The following MED27 variants were observed in gnomAD, a reference collection of about 807,000 sequenced individuals.
The protein encoded by MED27 is mediator complex subunit 27.
Under a neutral mutation model 38.2 loss-of-function variants are expected in MED27, and 30 were observed. That is an observed-to-expected ratio of 0.79 (90% CI 0.59 to 1.07). The LOEUF (loss-of-function observed/expected upper bound fraction) is 1.07, where lower values mean the gene tolerates loss of function less well. MED27 is among the 50% of genes least tolerant of loss of function. The pLI is 0.00. For missense variants in MED27, 289 were observed against 397.5 expected (o/e 0.73, Z 2.32); for synonymous variants, 122 against 153.5 (o/e 0.79, Z 1.52).
chr9:131,943,384 G>T (rs903043961), intron 3 of MED27, among the ~76,000 whole-genome samples: 1 of 152,126 alleles, frequency 6.6e-6, no homozygotes, highest in Non-Finnish European at 1.5e-5. Flanking sequence ...TGAGGGAGGG[G>T]GTGTTGGTAT....
chr9:132,050,885 G>A (rs951516476), intron 2 of MED27, among the ~76,000 whole-genome samples: 12 of 152,228 alleles, frequency 7.9e-5, no homozygotes, highest in African/African-American at 2.9e-4. Context: ...GTGAGACCTT[G>A]ACTTTTTCAT....
chr9:131,882,029 C>T (rs1839056844), intron 6 of MED27, among the ~76,000 whole-genome samples: 1 of 152,046 alleles, frequency 6.6e-6, no homozygotes, highest in Non-Finnish European at 1.5e-5. Flanking sequence ...GCTGGGATTA[C>T]AGGCATGAGC....
chr9:131,944,433 A>G (rs1830844078), intron 3 of MED27, among the ~76,000 whole-genome samples: 1 of 152,090 alleles, frequency 6.6e-6, no homozygotes, highest in Non-Finnish European at 1.5e-5. Context: ...TGACACACAA[A>G]TATTTCCTCC....
chr9:131,957,258 T>C (rs1831124442), intron 3 of MED27, among the ~76,000 whole-genome samples: 1 of 151,876 alleles, frequency 6.6e-6, no homozygotes, highest in African/African-American at 2.4e-5. Flanking sequence ...AGTTTTATTC[T>C]TTTATTCTTT....
intron 1 of MED27, among the ~76,000 whole-genome samples, chr9:132,078,719 G>C (rs1489981177): frequency 6.6e-6 from 1 of 152,136 alleles, no homozygotes; most frequent in African/African-American, 2.4e-5. Context: ...AGGATGACTA[G>C]CTCACCAAAT....
chr9:132,063,971 C>T (rs566892873), intron 2 of MED27, among the ~76,000 whole-genome samples: 1 of 152,200 alleles, frequency 6.6e-6, no homozygotes, highest in Non-Finnish European at 1.5e-5. Flanking sequence ...AACGCACTTC[C>T]GCCTTGTTGC....
At chr9:132,075,738 T>C (rs1054288169) in intron 2 of MED27, among the ~76,000 whole-genome samples, 1 of 152,250 alleles carries the variant, frequency 6.6e-6, no homozygotes, top group Non-Finnish European at 1.5e-5. Context: ...CCCTTGTCAC[T>C]GTAGCCTATT....
chr9:131,983,003 CTGAG>C (rs1831773483), intron 3 of MED27, among the ~76,000 whole-genome samples: 1 of 152,184 alleles, frequency 6.6e-6, no homozygotes, highest in African/African-American at 2.4e-5. Flanking sequence ...GGATCTGTGA[CTGAG>C]TTTCAGCAAG....
At chr9:132,022,147 C>T (rs1832729949) in intron 2 of MED27, among the ~76,000 whole-genome samples, 1 of 152,032 alleles carries the variant, frequency 6.6e-6, no homozygotes, top group South Asian at 2.1e-4. Flanking sequence ...GAGAATATGC[C>T]CTCTGAAGAG....
chr9:132,045,332 T>C (rs1047084029), intron 2 of MED27, among the ~76,000 whole-genome samples: 1 of 152,102 alleles, frequency 6.6e-6, no homozygotes, highest in African/African-American at 2.4e-5. Flanking sequence ...GAATGTTGTA[T>C]GTATGGTGTA....
At chr9:132,025,364 T>G (rs1239758035) in intron 2 of MED27, among the ~76,000 whole-genome samples, 2 of 152,164 alleles carry the variant, frequency 1.3e-5, no homozygotes, top group Admixed American at 6.5e-5. Context: ...GTATTTTTAG[T>G]AGAGACAGGG....
intron 3 of MED27, among the ~76,000 whole-genome samples, chr9:131,940,502 G>A (rs888437074): frequency 4.6e-5 from 7 of 151,732 alleles, no homozygotes; most frequent in African/African-American, 7.3e-5. Context: ...TGCAACCTCC[G>A]CCTCCCAGGT....
At chr9:131,972,563 C>CAATG (rs1043924813) in intron 3 of MED27, among the ~76,000 whole-genome samples, 5 of 152,124 alleles carry the variant, frequency 3.3e-5, no homozygotes, top group African/African-American at 1.2e-4. Flanking sequence ...AGTAAATGTC[C>CAATG]AATGAATGAA....
intron 4 of MED27, among the ~76,000 whole-genome samples, chr9:131,895,071 G>C (rs1304653886): frequency 6.6e-6 from 1 of 152,102 alleles, no homozygotes; most frequent in East Asian, 1.9e-4. Context: ...AAGCAGATAC[G>C]GGCATCATGC....
At chr9:132,038,498 C>A (rs1401028475) in intron 2 of MED27, among the ~76,000 whole-genome samples, 1 of 152,216 alleles carries the variant, frequency 6.6e-6, no homozygotes, top group Non-Finnish European at 1.5e-5. Flanking sequence ...GGCCGCCAGG[C>A]ATCCTTCTAA....
At chr9:131,908,495 A>G (rs1830123130) in intron 4 of MED27, among the ~76,000 whole-genome samples, 1 of 152,206 alleles carries the variant, frequency 6.6e-6, no homozygotes, top group African/African-American at 2.4e-5. Flanking sequence ...TGTAGAAAGA[A>G]GTAGACATGG....
At chr9:132,020,852 T>C (rs950813821) in intron 2 of MED27, among the ~76,000 whole-genome samples, 3 of 152,186 alleles carry the variant, frequency 2.0e-5, no homozygotes, top group Non-Finnish European at 4.4e-5. Flanking sequence ...AAATAGCCAA[T>C]AGTTTAGAAA....
At chr9:131,912,196 G>A (rs1048053173) in intron 4 of MED27, among the ~76,000 whole-genome samples, 1 of 152,162 alleles carries the variant, frequency 6.6e-6, no homozygotes, top group Admixed American at 6.5e-5. Context: ...AAAGGGGTCT[G>A]TGGTCAAGCA....
At chr9:131,939,347 C>G (rs2130967221) in intron 4 of MED27, 34 bp downstream of exon 4, 1 of 1,478,020 alleles carries the variant, frequency 6.8e-7, no homozygotes, top group Non-Finnish European at 9.3e-7. Context: ...TTTTTTCCCC[C>G]AACATCCCTA....
Sources: allele counts gnomAD v4.1 joint callset (sites outside exome capture counted in the v4.1 genomes callset), GRCh38; gene constraint gnomAD v4.1.1; transcripts MANE v1.5; gene names NCBI Gene and HGNC (gene_info 2026-07-23, HGNC 2026-07-21).